UBE2M: variants seen among roughly 807,000 people sequenced by gnomAD.
UBE2M encodes ubiquitin conjugating enzyme E2 M.
UBE2M carries 2 observed loss-of-function variants against 23.5 expected under a neutral mutation model. That is an observed-to-expected ratio of 0.09 (90% CI 0.03 to 0.27). The LOEUF (loss-of-function observed/expected upper bound fraction) is 0.27. Ranked by LOEUF, UBE2M falls within the 10% of genes least tolerant of loss-of-function variation. The pLI is 1.00. For synonymous variants in UBE2M, 97 were observed against 95.2 expected, an observed-to-expected ratio of 1.02 and a Z score of -0.11; for missense variants, 103 against 232.9, an observed-to-expected ratio of 0.44 and a Z score of 3.63.
chr19:58,557,549 G>T (rs760403362), intron 1 of UBE2M, among the ~76,000 whole-genome samples: 2 of 151,596 alleles, frequency 1.3e-5, no homozygotes, highest in African/African-American at 4.9e-5. Context: ...CAAACTCAAA[G>T]ATCCTGCCCA....
At chr19:58,557,372 A>G (rs2122657427) in intron 1 of UBE2M, among the ~76,000 whole-genome samples, 1 of 151,824 alleles carries the variant, frequency 6.6e-6, no homozygotes, top group East Asian at 1.9e-4. Flanking sequence ...TACCCCAAAC[A>G]TGCATGTTCA....
chr19:58,556,364 T>A lies in UBE2M; in HGVS notation c.363A>T (p.Pro121=). Reference sequence around the variant, plus strand: ...AAATTATGGAGTTTATCGTAAGGACTGGCTTCCAGTCCTCTCTGTGGACAG... The same window carrying A: ...AAATTATGGAGTTTATCGTAAGGACAGGCTTCCAGTCCTCTCTGTGGACAG... ...CLNILREDWK[P]VLTINSIIYG... is the part of the protein sequence containing the mutation. Residue 121 remains proline, a synonymous_variant, in exon 5 of 6, where the codon CCA becomes CCT. Transcript: ENST00000253023. The surrounding 1 kb of genome is among the most constrained non-coding windows in gnomAD (Gnocchi z 4.9). 6.2e-7 allele frequency: 1 copy of A among 1,613,950 alleles called. No homozygotes were observed. Among genetic ancestry groups the A allele is most frequent in the Non-Finnish European group, 8.5e-7 (1 of 1,180,014 alleles).
In UBE2M at chr19:58,558,550, C is replaced by T. The variant is rs2053908836; in HGVS notation, c.-169G>A. 5.4e-6 allele frequency: 1 copy of T among 184,926 alleles called. No homozygotes were observed. Among genetic ancestry groups the T allele is most frequent in the African/African-American group, 2.4e-5 (1 of 41,890 alleles). 11.5% of individuals were successfully genotyped at this position (184,926 alleles called of 1,614,324 possible). On this transcript the variant is annotated 5_prime_UTR_variant, in exon 1 of 6. Transcript: ENST00000253023. This position sits in a 1 kb window ranked among gnomAD's most constrained non-coding sequence, Gnocchi z 4.7. Reference sequence around the variant, plus strand: ...GCGCCGCTCCGCTCCTCTCCGCGCCCACCGCGCGGCCCGCCTCGGCTCCCG... The same window carrying T: ...GCGCCGCTCCGCTCCTCTCCGCGCCTACCGCGCGGCCCGCCTCGGCTCCCG...
In UBE2M at chr19:58,555,741, T is replaced by A; in HGVS notation, c.*348A>T. On this transcript the variant is annotated 3_prime_UTR_variant, in exon 6 of 6. Transcript: ENST00000253023. ...GTAACATTCCCCTTTAATAGCCTGG[T>A]GGGACCTCCAGAGGTGGAGGGGTGG... The A allele has an allele frequency of 3.2e-6, 1 of 313,230 alleles. No homozygotes were observed. Among genetic ancestry groups the A allele is most frequent in the South Asian group, 4.0e-5 (1 of 24,946 alleles). 19.4% of individuals were successfully genotyped at this position (313,230 alleles called of 1,614,324 possible). A position where few individuals can be genotyped will look rare whatever the true frequency, so the allele number is the denominator to read the frequency against.
Position 58,558,219 on chromosome 19 carries a change from C to T in UBE2M, c.109+54G>A. 1 of 1,487,904 alleles carries T rather than the reference C, an allele frequency of 6.7e-7. No individual in the cohort carries two copies. Among genetic ancestry groups the T allele is most frequent in the South Asian group, 1.2e-5 (1 of 83,106 alleles). The allele number at this position is 1,487,904 out of a possible 1,614,324, so 92.2% of individuals were successfully genotyped here. Reference sequence around the variant, plus strand: ...CCTTCCTGACTCCCACATCACCCTGCCTCAGGCCCTGACCTCCGACCTCCG... The same window carrying T: ...CCTTCCTGACTCCCACATCACCCTGTCTCAGGCCCTGACCTCCGACCTCCG... On this transcript the variant is annotated intron_variant, in intron 1 of 5. Coordinates refer to ENST00000253023, the MANE Select transcript of UBE2M (RefSeq NM_003969.4). This position sits in a 1 kb window ranked among gnomAD's most constrained non-coding sequence, Gnocchi z 4.7.
chr19:58,556,683 T>C lies in UBE2M; in HGVS notation c.347+4A>G. The C allele has an allele frequency of 6.6e-7, 1 of 1,525,620 alleles. No homozygotes were observed. Among genetic ancestry groups the C allele is most frequent in the Non-Finnish European group, 8.8e-7 (1 of 1,139,402 alleles). The allele number at this position is 1,525,620 out of a possible 1,614,324, so 94.5% of individuals were successfully genotyped here. A position where few individuals can be genotyped will look rare whatever the true frequency, so the allele number is the denominator to read the frequency against. ...GGAGGGCATTAGAGGGCCAGTGTCC[T>C]CACCTGAGGATGTTGAGGCAGACGT... On this transcript the variant is annotated splice_donor_region_variant and intron_variant, in intron 4 of 5. Coordinates refer to ENST00000253023, the MANE Select transcript of UBE2M (RefSeq NM_003969.4). This position sits in a 1 kb window ranked among gnomAD's most constrained non-coding sequence, Gnocchi z 4.9.
In UBE2M at chr19:58,558,410, C is replaced by T. The variant is rs1337565560; in HGVS notation, c.-29G>A. On this transcript the variant is annotated 5_prime_UTR_variant, in exon 1 of 6. Transcript: ENST00000253023. This position sits in a 1 kb window ranked among gnomAD's most constrained non-coding sequence, Gnocchi z 4.7. ...GCCGCCGCCGCCGCCGCTGCCGCCG[C>T]CGCGGGGCCCGGGACCCCGGCCACC... The T allele has an allele frequency of 8.1e-7, 1 of 1,233,648 alleles. No individual in the cohort carries two copies. 76.4% of individuals were successfully genotyped at this position (1,233,648 alleles called of 1,614,324 possible).
Position 58,558,402 on chromosome 19 carries a change from TGCCGCC to T in UBE2M, c.-27_-22del. 1.1e-5 allele frequency: 14 copies of T among 1,284,578 alleles called. No homozygotes were observed. The highest frequency in any genetic ancestry group is 3.9e-5 in the East Asian group (1 of 25,486). The allele number at this position is 1,284,578 out of a possible 1,614,324, so 79.6% of individuals were successfully genotyped here. ...ATCATCCTGCCGCCGCCGCCGCCGC[TGCCGCC>T]GCCGCGGGGCCCGGGACCCCGGCCA... On this transcript the variant is annotated 5_prime_UTR_variant, in exon 1 of 6. Transcript: ENST00000253023. This position sits in a 1 kb window ranked among gnomAD's most constrained non-coding sequence, Gnocchi z 4.7.
In UBE2M at chr19:58,557,118, C is replaced by T; in HGVS notation, c.149G>A (p.Ser50Asn). 2.5e-6 allele frequency: 4 copies of T among 1,614,040 alleles called. No homozygotes were observed. The highest frequency in any genetic ancestry group is 3.4e-6 in the Non-Finnish European group (4 of 1,179,982). The change falls in exon 2 of 6, where the codon AGC becomes AAC. Residue 50 changes from serine to asparagine, a missense_variant. Ser to Asn is a conservative substitution (Grantham distance 46). Coordinates refer to ENST00000253023, the MANE Select transcript of UBE2M (RefSeq NM_003969.4). ...GAGGAGGTCGTCTGGATCTGAGAAGCTGATATCACACGTCTTGGGCAGGTT... is the reference window on the plus strand; with the variant it reads ...GAGGAGGTCGTCTGGATCTGAGAAGTTGATATCACACGTCTTGGGCAGGTT... ...ELNLPKTCDI[S>N]FSDPDDLLNF...
chr19:58,557,647 C>G (rs2053901106), intron 1 of UBE2M, among the ~76,000 whole-genome samples: 1 of 151,612 alleles, frequency 6.6e-6, no homozygotes, highest in African/African-American at 2.4e-5. Context: ...TCTCAAGTCC[C>G]CAACCCCCGC....
rs752846700 is a variant in UBE2M, at chr19:58,556,242, C to G, written c.412-13G>C. On this transcript the variant is annotated splice_polypyrimidine_tract_variant and intron_variant, in intron 5 of 5. Transcript: ENST00000253023. This position sits in a 1 kb window ranked among gnomAD's most constrained non-coding sequence, Gnocchi z 4.9. ...CGGGGTTGGGCTCCTGTGGCCAGTA[C>G]AGGTAGGGGGGGTCAACAGGCCAGA... The G allele has an allele frequency of 3.7e-6, 6 of 1,613,856 alleles. No homozygotes were observed. The highest frequency in any genetic ancestry group is 5.1e-6 in the Non-Finnish European group (6 of 1,179,882).
chr19:58,557,908 C>G (rs1332848009), intron 1 of UBE2M, among the ~76,000 whole-genome samples: 1 of 151,992 alleles, frequency 6.6e-6, no homozygotes, highest in Non-Finnish European at 1.5e-5. Context: ...TCCCCAACCC[C>G]TGGCCTCTAC....
At position 58,556,004 on chromosome 19, in the gene UBE2M, C is replaced by CA. The variant is rs908661323; in HGVS notation, c.*84_*85insT. 6 of 1,531,938 alleles carry CA rather than the reference C, an allele frequency of 3.9e-6. No homozygotes were observed. The East Asian group carries it at 1.2e-4, about 30-fold the overall frequency. 94.9% of individuals were successfully genotyped at this position (1,531,938 alleles called of 1,614,324 possible). A position where few individuals can be genotyped will look rare whatever the true frequency, so the allele number is the denominator to read the frequency against. On this transcript the variant is annotated 3_prime_UTR_variant, in exon 6 of 6. Coordinates refer to ENST00000253023, the MANE Select transcript of UBE2M (RefSeq NM_003969.4). The surrounding 1 kb of genome is among the most constrained non-coding windows in gnomAD (Gnocchi z 4.9). ...AGGGGATTCCCCCACCGGCCGCCCC[C>CA]CAAACCCCTACCCATGGCCCCCAAT... is the stretch of plus-strand genomic sequence containing the variant.
Position 58,555,852 on chromosome 19 carries a change from T to C in UBE2M, c.*237A>G. 1 of 578,242 alleles carries C rather than the reference T, an allele frequency of 1.7e-6. No individual in the cohort carries two copies. Among genetic ancestry groups the C allele is most frequent in the Non-Finnish European group, 3.0e-6 (1 of 329,028 alleles). The allele number at this position is 578,242 out of a possible 1,614,324, so 35.8% of individuals were successfully genotyped here. ...CTGAACAAGCACCCAGCAGGGGGGC[T>C]AGACAAGCCAATTCATTTCCCATCG... On this transcript the variant is annotated 3_prime_UTR_variant, in exon 6 of 6. Transcript: ENST00000253023.
rs1482595766 is a variant in UBE2M, at chr19:58,556,434, C to T, written c.348-55G>A. On this transcript the variant is annotated intron_variant, in intron 4 of 5. Coordinates refer to ENST00000253023, the MANE Select transcript of UBE2M (RefSeq NM_003969.4). The surrounding 1 kb of genome is among the most constrained non-coding windows in gnomAD (Gnocchi z 4.9). ...TTGGTGAGTGGGAGACTGCCACAGG[C>T]CCCTCTGGTGTTGGGCAGGTCAGAT... 3.2e-6 allele frequency: 5 copies of T among 1,583,194 alleles called. No homozygotes were observed. Among genetic ancestry groups the T allele is most frequent in the East Asian group, 2.2e-5 (1 of 44,648 alleles).
rs1366715972 is a variant in UBE2M, at chr19:58,555,901, G to A, written c.*188C>T. 1.2e-5 allele frequency: 9 copies of A among 747,704 alleles called. No individual in the cohort carries two copies. Among genetic ancestry groups the A allele is most frequent in the East Asian group, 2.7e-5 (1 of 36,478 alleles). The allele number at this position is 747,704 out of a possible 1,614,324, so 46.3% of individuals were successfully genotyped here. A position where few individuals can be genotyped will look rare whatever the true frequency, so the allele number is the denominator to read the frequency against. On this transcript the variant is annotated 3_prime_UTR_variant, in exon 6 of 6. Coordinates refer to ENST00000253023, the MANE Select transcript of UBE2M (RefSeq NM_003969.4). ...CGCTGAGTGGGTCGGGGGAGGCAGC[G>A]CCGACCTTAATCACATGGTGTTAAA...
rs765251223 is a variant in UBE2M at position 58,556,981 on chromosome 19, C to T, written c.205-51G>A. ...ATTTTAGGGTTCCATCCTGTGGGGCCCGATGGGCAGAACATGTCTCCCTCC... is the reference window on the plus strand; with the variant it reads ...ATTTTAGGGTTCCATCCTGTGGGGCTCGATGGGCAGAACATGTCTCCCTCC... On this transcript the variant is annotated intron_variant, in intron 2 of 5. Transcript: ENST00000253023. The surrounding 1 kb of genome is among the most constrained non-coding windows in gnomAD (Gnocchi z 4.9). The T allele has an allele frequency of 3.1e-6, 5 of 1,613,884 alleles. No individual in the cohort carries two copies. The highest frequency in any genetic ancestry group is 3.4e-6 in the Non-Finnish European group (4 of 1,179,876).
rs1568670574 is a variant in UBE2M, at chr19:58,557,167, G to A, written c.110-10C>T. 1.2e-6 allele frequency: 2 copies of A among 1,613,640 alleles called. No homozygotes were observed. Among genetic ancestry groups the A allele is most frequent in the Non-Finnish European group, 1.7e-6 (2 of 1,179,828 alleles). On this transcript the variant is annotated splice_polypyrimidine_tract_variant and intron_variant, in intron 1 of 5. Coordinates refer to ENST00000253023, the MANE Select transcript of UBE2M (RefSeq NM_003969.4). ...TTCAGCTCGTTTATGTCTGGGTTTG[G>A]GTAGCAGAGAGTCGGGAACAGAAAG...
At chr19:58,557,357 C>A (rs1429537161) in intron 1 of UBE2M, among the ~76,000 whole-genome samples, 200 bp from the exon 2 acceptor site, 1 of 151,972 alleles carries the variant, frequency 6.6e-6, no homozygotes, top group African/African-American at 2.4e-5. Context: ...TGTGGATACA[C>A]AGCATACCCC....
Sources: allele counts gnomAD v4.1 joint callset (sites outside exome capture counted in the v4.1 genomes callset), GRCh38; gene constraint gnomAD v4.1.1; non-coding constraint Gnocchi (gnomAD v3.1); transcripts MANE v1.5; gene names NCBI Gene and HGNC (gene_info 2026-07-23, HGNC 2026-07-21).